Variants in DLGAP2 observed in about 807,000 individuals in gnomAD.
The protein encoded by DLGAP2 is DLG associated protein 2.
DLGAP2 carries 26 observed loss-of-function variants against 100.3 expected under a neutral mutation model. The ratio of observed to expected loss-of-function variants is 0.26; its 90% CI spans 0.19 to 0.36. The LOEUF (loss-of-function observed/expected upper bound fraction) is 0.36. Ranked by LOEUF, DLGAP2 falls within the 10% of genes least tolerant of loss-of-function variation. The pLI is 1.00. For missense variants in DLGAP2, 1,858 were observed against 1,453.2 expected (o/e 1.28, Z -4.53); for synonymous variants, 886 against 630.1 (o/e 1.41, Z -6.08).
chr8:1,384,426 C>A (rs1290396025), intron 3 of DLGAP2, among the ~76,000 whole-genome samples: 1 of 89,384 alleles, frequency 1.1e-5, no homozygotes, highest in African/African-American at 4.0e-5. Context: ...CGGCCTGTGC[C>A]CGGCCCCTGA....
intron 2 of DLGAP2, among the ~76,000 whole-genome samples, chr8:933,288 G>A (rs574211559): frequency 1.2e-4 from 18 of 152,398 alleles, no homozygotes; most frequent in South Asian, 4.1e-4. Flanking sequence ...AACAAATGAC[G>A]GCCCTGGCCA....
chr8:1,516,654 A>AAT (rs1800401399), intron 4 of DLGAP2, among the ~76,000 whole-genome samples: 2 of 108,820 alleles, frequency 1.8e-5, no homozygotes, highest in Non-Finnish European at 4.2e-5. Flanking sequence ...TGAGTGACTG[A>AAT]GTGAATGAGT....
At chr8:1,656,503 C>T (rs185555679) in intron 8 of DLGAP2, among the ~76,000 whole-genome samples, 2 of 152,178 alleles carry the variant, frequency 1.3e-5, no homozygotes, top group Admixed American at 1.3e-4. Context: ...ATTGTGCCAT[C>T]TCCCCTTCTG....
At chr8:1,279,310 A>G (rs755857916) in intron 3 of DLGAP2, among the ~76,000 whole-genome samples, 5 of 152,220 alleles carry the variant, frequency 3.3e-5, no homozygotes, top group South Asian at 2.1e-4. Context: ...TTTCAATCCA[A>G]TAAAATTTTA....
At chr8:1,203,759 T>C (rs1208403809) in intron 2 of DLGAP2, among the ~76,000 whole-genome samples, 1 of 152,166 alleles carries the variant, frequency 6.6e-6, no homozygotes, top group African/African-American at 2.4e-5. Context: ...AGTGATGAAA[T>C]ATCACTGTTA....
intron 2 of DLGAP2, among the ~76,000 whole-genome samples, chr8:949,328 A>G (rs1799416149): frequency 6.6e-6 from 1 of 152,052 alleles, no homozygotes; most frequent in Non-Finnish European, 1.5e-5. Context: ...GGGATTCAGG[A>G]TGGGTTCGTG....
At chr8:1,357,955 C>T (rs1433351127) in intron 3 of DLGAP2, among the ~76,000 whole-genome samples, 4 of 152,262 alleles carry the variant, frequency 2.6e-5, no homozygotes, top group Admixed American at 2.0e-4. Context: ...TCCTTTACTG[C>T]TGAAATTTAG....
Position 738,994 on chromosome 8 carries a change from A to ACGCCGCCGCCGCCGC in DLGAP2, c.18+1175_18+1189dup, listed in dbSNP as rs142461927. ...CCCGGGTCCTTCCAGCCCCTGCGCG[A>ACGCCGCCGCCGCCGC]CGCCGCCGCCGCCGCCGCCGGTGAA... On this transcript the variant is annotated intron_variant, in intron 1 of 14. Coordinates refer to ENST00000637795, the MANE Select transcript of DLGAP2 (RefSeq NM_001346810.2). The ACGCCGCCGCCGCCGC allele has an allele frequency of 1.8e-3, 286 of 155,706 alleles. 10 individuals are homozygous for ACGCCGCCGCCGCCGC. The highest frequency in any genetic ancestry group is 0.011 in the South Asian group (66 of 5,762). The allele number at this position is 155,706 out of a possible 1,614,324, so 9.6% of individuals were successfully genotyped here.
At chr8:1,344,684 G>A (rs564880525) in intron 3 of DLGAP2, among the ~76,000 whole-genome samples, 30 of 152,102 alleles carry the variant, frequency 2.0e-4, no homozygotes, top group East Asian at 5.8e-4. Flanking sequence ...TCAGTCTCCC[G>A]CGCTCCTCCG....
At chr8:1,353,429 G>A (rs1463753445) in intron 3 of DLGAP2, among the ~76,000 whole-genome samples, 1 of 152,212 alleles carries the variant, frequency 6.6e-6, no homozygotes, top group Non-Finnish European at 1.5e-5. Flanking sequence ...ATTATGTAAG[G>A]TATTCACTTT....
At chr8:971,769 C>T (rs1282782082) in intron 2 of DLGAP2, among the ~76,000 whole-genome samples, 1 of 152,114 alleles carries the variant, frequency 6.6e-6, no homozygotes, top group Non-Finnish European at 1.5e-5. Context: ...TTTTTCAAGC[C>T]TCACAGACTT....
chr8:1,022,915 C>A (rs1173421354), intron 2 of DLGAP2, among the ~76,000 whole-genome samples: 1 of 152,190 alleles, frequency 6.6e-6, no homozygotes, highest in Non-Finnish European at 1.5e-5. Context: ...GCTTTAGAAA[C>A]ACTGGTGGAT....
intron 2 of DLGAP2, among the ~76,000 whole-genome samples, chr8:1,182,817 TG>T (rs1797419375): frequency 6.6e-6 from 1 of 152,148 alleles, no homozygotes; most frequent in Non-Finnish European, 1.5e-5. Flanking sequence ...TCGGCAACTC[TG>T]GGCAGTGGCG....
intron 2 of DLGAP2, among the ~76,000 whole-genome samples, chr8:1,172,436 G>T (rs1351317152): frequency 2.0e-5 from 3 of 151,910 alleles, no homozygotes. Context: ...GGCCTGCCTT[G>T]CTAGATTGGG....
chr8:749,138 A>G (rs983848007), intron 1 of DLGAP2, among the ~76,000 whole-genome samples: 1 of 152,122 alleles, frequency 6.6e-6, no homozygotes, highest in Non-Finnish European at 1.5e-5. Flanking sequence ...AGCTGGGACT[A>G]CAGGTGCACA....
intron 1 of DLGAP2, among the ~76,000 whole-genome samples, chr8:817,479 T>C (rs1271748671): frequency 6.6e-6 from 1 of 152,238 alleles, no homozygotes; most frequent in Non-Finnish European, 1.5e-5. Context: ...AGAGATTTCT[T>C]CTTGGTTTGG....
chr8:848,323 T>A (rs895298147), intron 1 of DLGAP2, among the ~76,000 whole-genome samples: 7 of 151,592 alleles, frequency 4.6e-5, no homozygotes, highest in African/African-American at 1.2e-4. Flanking sequence ...CAGTATAGGA[T>A]CGTGCGGTGC....
At chr8:1,629,271 G>T (rs1207559639) in intron 7 of DLGAP2, among the ~76,000 whole-genome samples, 1 of 152,172 alleles carries the variant, frequency 6.6e-6, no homozygotes, top group Middle Eastern at 3.4e-3. Flanking sequence ...TATCTACTCG[G>T]TTACTTCTTT....
intron 13 of DLGAP2, among the ~76,000 whole-genome samples, chr8:1,696,641 C>T (rs535564621): frequency 2.6e-5 from 4 of 152,306 alleles, no homozygotes; most frequent in African/African-American, 4.8e-5. Flanking sequence ...GTGTGGGCGC[C>T]GGTTGGTGAG....
Sources: allele counts gnomAD v4.1 joint callset (sites outside exome capture counted in the v4.1 genomes callset), GRCh38; gene constraint gnomAD v4.1.1; transcripts MANE v1.5; gene names NCBI Gene and HGNC (gene_info 2026-07-23, HGNC 2026-07-21).